MYT1L: variants seen among roughly 807,000 people sequenced by gnomAD.
MYT1L encodes the protein myelin transcription factor 1 like, also known as myelin transcription factor 1-like protein.
A neutral mutation model predicts 126.7 loss-of-function variants in MYT1L; 12 were observed. That is an observed-to-expected ratio of 0.09 (90% CI 0.06 to 0.15). The LOEUF (loss-of-function observed/expected upper bound fraction) is 0.15, where lower values mean the gene tolerates loss of function less well. Ranked by LOEUF, MYT1L falls within the 10% of genes least tolerant of loss-of-function variation. The pLI, the probability that MYT1L is intolerant of heterozygous loss-of-function variation, is 1.00. For synonymous variants in MYT1L, 541 were observed against 604.2 expected (o/e 0.90, Z 1.53); for missense variants, 979 against 1,585.2 (o/e 0.62, Z 6.49).
At chr2:1,916,738 A>G (rs1312947768) in intron 11 of MYT1L, among the ~76,000 whole-genome samples, 1 of 152,246 alleles carries the variant, frequency 6.6e-6, no homozygotes, top group African/African-American at 2.4e-5. Flanking sequence ...GTGAAATGCA[A>G]TAAAACTTCA....
intron 4 of MYT1L, among the ~76,000 whole-genome samples, chr2:2,024,794 G>A (rs533511377): frequency 4.6e-5 from 7 of 152,332 alleles, no homozygotes; most frequent in African/African-American, 1.7e-4. Context: ...TATCATCAAG[G>A]TGTTCTCAAT....
At chr2:2,214,236 A>T (rs957270821) in intron 2 of MYT1L, among the ~76,000 whole-genome samples, 12 of 151,814 alleles carry the variant, frequency 7.9e-5, no homozygotes, top group East Asian at 3.9e-4. Context: ...TAACCTAAAA[A>T]AAAAAGAAAC....
At chr2:1,823,405 G>A (rs1264793809) in intron 21 of MYT1L, among the ~76,000 whole-genome samples, 3 of 152,238 alleles carry the variant, frequency 2.0e-5, no homozygotes, top group Admixed American at 6.5e-5. Context: ...GGGCACTCAG[G>A]TCCACCCTAT....
In MYT1L at chr2:1,906,370, C is replaced by G. The variant is rs150813536; in HGVS notation, c.1818-3076G>C. On this transcript the variant is annotated intron_variant, in intron 13 of 24. Transcript: ENST00000647738. ...ATTATACTATTTAACTATTTTCCAA[C>G]TTTTTCATTTTGTTGCTGTTATAAA... is the stretch of plus-strand genomic sequence containing the variant. Among the ~76,000 whole-genome samples the G allele has an allele frequency of 2.9e-3, 446 of 152,170 alleles. 4 individuals carry two copies. The highest frequency in any genetic ancestry group is 0.01 in the African/African-American group (435 of 41,536).
chr2:2,189,145 A>T (rs1480428404), intron 2 of MYT1L, among the ~76,000 whole-genome samples: 4 of 152,336 alleles, frequency 2.6e-5, no homozygotes, highest in African/African-American at 9.6e-5. Context: ...ATCATACTAT[A>T]TAAGAGCTTC....
intron 23 of MYT1L, among the ~76,000 whole-genome samples, chr2:1,797,870 C>T (rs13428864): frequency 0.044 from 4,964 of 113,412 alleles, 152 homozygotes; most frequent in East Asian, 0.081. Context: ...GCGGTCTCCC[C>T]CCATCCGGCA....
intron 21 of MYT1L, chr2:1,824,336 G>C (rs2038997608): frequency 6.6e-6 from 1 of 152,244 alleles, no homozygotes; most frequent in Non-Finnish European, 1.5e-5. Context: ...GCGGTGCTCT[G>C]TCCTCTGGGA....
chr2:2,185,362 A>T (rs1018330814), intron 2 of MYT1L, among the ~76,000 whole-genome samples: 1 of 152,260 alleles, frequency 6.6e-6, no homozygotes, highest in South Asian at 2.1e-4. Flanking sequence ...GCTCTGTTCA[A>T]ATATGAGTAA....
intron 9 of MYT1L, among the ~76,000 whole-genome samples, chr2:1,935,292 C>T (rs566923647): frequency 6.6e-6 from 1 of 152,278 alleles, no homozygotes; most frequent in East Asian, 1.9e-4. Context: ...TTTGTGTCTG[C>T]ATGCAACCCA....
At chr2:1,949,183 T>C (rs985708998) in intron 8 of MYT1L, among the ~76,000 whole-genome samples, 7 of 152,206 alleles carry the variant, frequency 4.6e-5, no homozygotes, top group Non-Finnish European at 8.8e-5. Flanking sequence ...CAGAAAACCA[T>C]GCTGTCTTAT....
At chr2:2,068,766 C>CTTCTTTTTTTTTTTT (rs1370285207) in intron 3 of MYT1L, among the ~76,000 whole-genome samples, 3 of 5,880 alleles carry the variant, frequency 5.1e-4, no homozygotes, top group Non-Finnish European at 1.1e-3. Context: ...CTGTGTTCTT[C>CTTCTTTTTTTTTTTT]TTGTTTTTTT....
chr2:2,039,134 T>G (rs571691333), intron 4 of MYT1L, among the ~76,000 whole-genome samples: 2 of 152,296 alleles, frequency 1.3e-5, no homozygotes, highest in Admixed American at 6.5e-5. Flanking sequence ...CGGAGCGCAT[T>G]TTCCCCAATA....
intron 4 of MYT1L, among the ~76,000 whole-genome samples, chr2:2,019,143 A>T (rs1418467628): frequency 6.6e-6 from 1 of 152,118 alleles, no homozygotes; most frequent in African/African-American, 2.4e-5. Flanking sequence ...CTCATCTTGA[A>T]TTGTAGCTCT....
Position 1,892,889 on chromosome 2 carries a change from T to C in MYT1L, c.2033-602A>G, listed in dbSNP as rs537511403. Among the ~76,000 whole-genome samples, 393 of 152,294 alleles carry C rather than the reference T, an allele frequency of 2.6e-3. 1 individual carries two copies. Among genetic ancestry groups the C allele is most frequent in the Non-Finnish European group, 1.3e-3 (91 of 68,018 alleles). On this transcript the variant is annotated intron_variant, in intron 14 of 24. Transcript: ENST00000647738. The stretch of plus-strand genomic sequence containing the variant: ...TTTCTGGCTGGGCATGCAGACCAGA[T>C]AGGGTGAGTCCAACATCCTTTTTTT...
chr2:2,116,663 T>G (rs2080244084), intron 3 of MYT1L, among the ~76,000 whole-genome samples: 1 of 152,252 alleles, frequency 6.6e-6, no homozygotes, highest in African/African-American at 2.4e-5. Context: ...CTTGCAGGAC[T>G]GGGTTAGAAG....
At chr2:1,980,843 T>C (rs1221903521) in intron 5 of MYT1L, among the ~76,000 whole-genome samples, 1 of 152,090 alleles carries the variant, frequency 6.6e-6, no homozygotes, top group African/African-American at 2.4e-5. Flanking sequence ...TGTTTGCACA[T>C]GGCAAACTGG....
intron 2 of MYT1L, among the ~76,000 whole-genome samples, chr2:2,280,910 G>A (rs1224189576): frequency 6.6e-6 from 1 of 152,188 alleles, no homozygotes; most frequent in African/African-American, 2.4e-5. Context: ...AGAGAAGGCT[G>A]GTGGCTTGCC....
rs1188322133 is a variant in MYT1L at position 2,224,254 on chromosome 2, T to C, written c.-420-51266A>G. ...TCCTTGCCCATCTGAGAGCCCATTGTGCACTCCCTCATTTAAAATAGCAGG... is the reference window on the plus strand; with the variant it reads ...TCCTTGCCCATCTGAGAGCCCATTGCGCACTCCCTCATTTAAAATAGCAGG... On this transcript the variant is annotated intron_variant, in intron 2 of 24. Coordinates refer to ENST00000647738, the MANE Select transcript of MYT1L (RefSeq NM_001303052.2). The surrounding 1 kb of genome is among the most constrained non-coding windows in gnomAD (Gnocchi z 4.0). 6.6e-6 allele frequency among the ~76,000 whole-genome samples: 1 copy of C among 152,114 alleles called. No homozygotes were observed. The highest frequency in any genetic ancestry group is 1.5e-5 in the Non-Finnish European group (1 of 68,038).
intron 5 of MYT1L, among the ~76,000 whole-genome samples, chr2:1,983,767 TA>T (rs2060791687): frequency 6.6e-6 from 1 of 152,208 alleles, no homozygotes; most frequent in Non-Finnish European, 1.5e-5. Flanking sequence ...GAGCTTCACT[TA>T]CTGAACCCGT....
Sources: allele counts gnomAD v4.1 joint callset (sites outside exome capture counted in the v4.1 genomes callset), GRCh38; gene constraint gnomAD v4.1.1; non-coding constraint Gnocchi (gnomAD v3.1); transcripts MANE v1.5; gene names NCBI Gene and HGNC (gene_info 2026-07-23, HGNC 2026-07-21).